Variants in MRPS16 observed in about 807,000 individuals in gnomAD.
MRPS16 encodes mitochondrial ribosomal protein S16, also known as small ribosomal subunit protein bS16m.
In MRPS16, 5 loss-of-function variants were observed where a neutral mutation model predicts 11.0. The observed-to-expected ratio is 0.46, with a 90% CI of 0.24 to 0.96. The LOEUF (loss-of-function observed/expected upper bound fraction) is 0.96. Among genes scored for constraint, MRPS16 ranks in the 40% least tolerant of loss-of-function variants. MRPS16 has a pLI of 0.20. For synonymous variants in MRPS16, 76 were observed against 65.0 expected, an observed-to-expected ratio of 1.17 and a Z score of -0.81; for missense variants, 179 against 174.4, an observed-to-expected ratio of 1.03 and a Z score of -0.15.
intron 1 of MRPS16, 86 bp from the exon 2 acceptor site, chr10:73,252,109 A>AAG: frequency 6.6e-7 from 1 of 1,525,904 alleles, no homozygotes; most frequent in South Asian, 1.2e-5. Context: ...TTTCCCACTG[A>AAG]AATGTCTCAC....
At chr10:73,252,125 A>G (rs1490943941) in intron 1 of MRPS16, 102 bp from the exon 2 acceptor site, 24 of 1,484,054 alleles carry the variant, frequency 1.6e-5, no homozygotes, top group Non-Finnish European at 2.0e-5. Context: ...CTCACTTCCA[A>G]TCCATTCCTG....
Position 73,252,624 on chromosome 10 carries a change from A to C in MRPS16, c.-142T>G. 1.6e-6 allele frequency: 2 copies of C among 1,221,720 alleles called. No homozygotes were observed. The highest frequency in any genetic ancestry group is 2.3e-6 in the Non-Finnish European group (2 of 869,458). The allele number at this position is 1,221,720 out of a possible 1,614,324, so 75.7% of individuals were successfully genotyped here. A position where few individuals can be genotyped will look rare whatever the true frequency, so the allele number is the denominator to read the frequency against. On this transcript the variant is annotated 5_prime_UTR_variant, in exon 1 of 3. Coordinates refer to ENST00000372945, the MANE Select transcript of MRPS16 (RefSeq NM_016065.4). Reference sequence around the variant, plus strand: ...ACCGCCAAGCGGTACAAGCCCGAAAACCTCGACTCCGGAAGCGGATGATCC... The same window carrying C: ...ACCGCCAAGCGGTACAAGCCCGAAACCCTCGACTCCGGAAGCGGATGATCC...
rs202242186 is a variant in MRPS16 at position 73,251,978 on chromosome 10, C to T, written c.59G>A (p.Arg20His). The change falls in exon 2 of 3, where the codon CGC (arginine) becomes CAC (histidine). Residue 20 changes from arginine to histidine, a missense_variant. Coordinates refer to ENST00000372945, the MANE Select transcript of MRPS16 (RefSeq NM_016065.4). ...KAYRGGHLTIRLALGGCTNRP... is the reference protein window; with the variant it reads ...KAYRGGHLTIHLALGGCTNRP... ...ATTGGTGCAGCCACCCAGGGCAAGG[C>T]GGATGGTTAAGTGGCCCCCACGGTA... is the stretch of plus-strand genomic sequence containing the variant. 123 of 1,614,146 alleles carry T rather than the reference C, an allele frequency of 7.6e-5. 1 individual carries two copies. In the East Asian group the frequency reaches 2.6e-3, roughly 34 times the overall value.
chr10:73,251,018 T>C (rs765021089), intron 2 of MRPS16, 27 bp from the exon 3 acceptor site: 65 of 1,612,592 alleles, frequency 4.0e-5, no homozygotes, highest in Non-Finnish European at 4.9e-5. Context: ...TTTCACTTAT[T>C]ATAACACAGT....
At position 73,249,357 on chromosome 10, in the gene MRPS16, A is replaced by T; in HGVS notation, c.*1495T>A. 1 of 1,517,150 alleles carries T rather than the reference A, an allele frequency of 6.6e-7. No homozygotes were observed. The highest frequency in any genetic ancestry group is 8.9e-7 in the Non-Finnish European group (1 of 1,119,116). 94.0% of individuals were successfully genotyped at this position (1,517,150 alleles called of 1,614,324 possible). Reference sequence around the variant, plus strand: ...TGAGTCAAATAAAAAAGTAGAACTAAAGTATACTGAAGTTATTCAAATACA... The same window carrying T: ...TGAGTCAAATAAAAAAGTAGAACTATAGTATACTGAAGTTATTCAAATACA... On this transcript the variant is annotated 3_prime_UTR_variant, in exon 3 of 3. Coordinates refer to ENST00000372945, the MANE Select transcript of MRPS16 (RefSeq NM_016065.4).
In MRPS16 at chr10:73,251,889, G is replaced by A. The variant is rs1232694096; in HGVS notation, c.148C>T (p.Gln50Ter). The A allele has an allele frequency of 6.2e-7, 1 of 1,614,208 alleles. No individual in the cohort carries two copies. The highest frequency in any genetic ancestry group is 1.7e-5 in the Admixed American group (1 of 60,026). Residue 50 changes from glutamine (Q) to a stop codon, truncating the protein, a stop_gained, in exon 2 of 3, where the codon CAG (glutamine) becomes TAG (stop). Transcript: ENST00000372945. LOFTEE classifies it high-confidence loss of function. ...GGCAATGGATCATAGGAGCCCAGCT[G>A]CTCTACGAAACGGCCATCCCTGGGA... ...KCPRDGRFVE[Q>*]LGSYDPLPNS...
At position 73,249,207 on chromosome 10, in the gene MRPS16, T is replaced by C. The variant is rs563025614; in HGVS notation, c.*1645A>G. On this transcript the variant is annotated 3_prime_UTR_variant, in exon 3 of 3. Transcript: ENST00000372945. The stretch of plus-strand genomic sequence containing the variant: ...TGCTGAGATTACAGGTGTGAGCCAC[T>C]GCCCCAATGGTATCTTTATATTATT... The C allele has an allele frequency of 9.3e-6, 13 of 1,391,752 alleles. No homozygotes were observed. The South Asian group carries it at 1.5e-4, about 16-fold the overall frequency. 86.2% of individuals were successfully genotyped at this position (1,391,752 alleles called of 1,614,324 possible).
rs770176974 is a variant in MRPS16, at chr10:73,249,346, AAGT to A, written c.*1503_*1505del. 4 of 1,543,488 alleles carry A rather than the reference AAGT, an allele frequency of 2.6e-6. No individual in the cohort carries two copies. The South Asian group carries it at 3.6e-5, about 14-fold the overall frequency. Reference sequence around the variant, plus strand: ...AAGAATGGTTGTGAGTCAAATAAAAAAGTAGAACTAAAGTATACTGAAGTTATT... The same window carrying A: ...AAGAATGGTTGTGAGTCAAATAAAAAAGAACTAAAGTATACTGAAGTTATT... On this transcript the variant is annotated 3_prime_UTR_variant, in exon 3 of 3. Coordinates refer to ENST00000372945, the MANE Select transcript of MRPS16 (RefSeq NM_016065.4).
In MRPS16 at chr10:73,250,721, G is replaced by T. The variant is rs1272973164; in HGVS notation, c.*131C>A. On this transcript the variant is annotated 3_prime_UTR_variant, in exon 3 of 3. Transcript: ENST00000372945. Reference sequence around the variant, plus strand: ...TCTCCCTGGGCCCTGTGCAGGCCAGGCCAGAAGAGCAAGGGCAACTCAGGA... The same window carrying T: ...TCTCCCTGGGCCCTGTGCAGGCCAGTCCAGAAGAGCAAGGGCAACTCAGGA... The T allele has an allele frequency of 8.1e-7, 1 of 1,241,174 alleles. No homozygotes were observed. The highest frequency in any genetic ancestry group is 1.2e-6 in the Non-Finnish European group (1 of 856,856). The allele number at this position is 1,241,174 out of a possible 1,614,324, so 76.9% of individuals were successfully genotyped here. A position where few individuals can be genotyped will look rare whatever the true frequency, so the allele number is the denominator to read the frequency against.
Position 73,250,442 on chromosome 10 carries a change from C to T in MRPS16, c.*410G>A, listed in dbSNP as rs928515017. 2 of 216,122 alleles carry T rather than the reference C, an allele frequency of 9.3e-6. No homozygotes were observed. The highest frequency in any genetic ancestry group is 1.1e-4 in the Admixed American group (2 of 18,676). 13.4% of individuals were successfully genotyped at this position (216,122 alleles called of 1,614,324 possible). The stretch of plus-strand genomic sequence containing the variant: ...GCAAGACAATATAAACCTCCAATTA[C>T]AAAAATCAATTAAGAAAGGTTAACT... On this transcript the variant is annotated 3_prime_UTR_variant, in exon 3 of 3. Transcript: ENST00000372945.
chr10:73,252,479 C>A lies in MRPS16; in HGVS notation c.4G>T (p.Val2Phe). The A allele has an allele frequency of 6.2e-7, 1 of 1,608,966 alleles. No homozygotes were observed. Among genetic ancestry groups the A allele is most frequent in the Non-Finnish European group, 8.5e-7 (1 of 1,179,824 alleles). The change falls in exon 1 of 3, where the codon GTC becomes TTC. Residue 2 changes from valine to phenylalanine, a missense_variant. Coordinates refer to ENST00000372945, the MANE Select transcript of MRPS16 (RefSeq NM_016065.4). ...TGGCCCGATGACTCACTGAGGTGGA[C>A]CATGGTGCCGCCGGCGTGCGGCTCC... M[V>F]HLTTLLCKAY...
intron 2 of MRPS16, among the ~76,000 whole-genome samples, chr10:73,251,379 T>C (rs1284292934): frequency 1.3e-5 from 2 of 149,504 alleles, no homozygotes; most frequent in East Asian, 3.9e-4. Context: ...AAATAACTCT[T>C]TTTTTTTTTT....
chr10:73,250,717 C>A lies in MRPS16; in HGVS notation c.*135G>T, dbSNP rs2044077990. ...AATCTCTCCCTGGGCCCTGTGCAGG[C>A]CAGGCCAGAAGAGCAAGGGCAACTC... On this transcript the variant is annotated 3_prime_UTR_variant, in exon 3 of 3. Coordinates refer to ENST00000372945, the MANE Select transcript of MRPS16 (RefSeq NM_016065.4). The A allele has an allele frequency of 2.5e-6, 3 of 1,202,174 alleles. No homozygotes were observed. The South Asian group carries it at 3.7e-5, about 15-fold the overall frequency. The allele number at this position is 1,202,174 out of a possible 1,614,324, so 74.5% of individuals were successfully genotyped here.
At position 73,250,515 on chromosome 10, in the gene MRPS16, T is replaced by C. The variant is rs1050130920; in HGVS notation, c.*337A>G. The C allele has an allele frequency of 4.3e-5, 16 of 369,736 alleles. No homozygotes were observed. The highest frequency in any genetic ancestry group is 2.9e-4 in the African/African-American group (14 of 48,054). The allele number at this position is 369,736 out of a possible 1,614,324, so 22.9% of individuals were successfully genotyped here. The stretch of plus-strand genomic sequence containing the variant: ...CATGAAGATCTGAATGGGCCATGAA[T>C]AGTCTGGCTGGGGGTTTTGAAGCAG... On this transcript the variant is annotated 3_prime_UTR_variant, in exon 3 of 3. Transcript: ENST00000372945.
chr10:73,252,293 A>G, intron 1 of MRPS16, 177 bp downstream of exon 1: 4 of 1,148,324 alleles, frequency 3.5e-6, no homozygotes, highest in South Asian at 2.7e-5. Flanking sequence ...ATGGGGTGGA[A>G]ATTTTTCAGC....
At position 73,249,044 on chromosome 10, in the gene MRPS16, G is replaced by A. The variant is rs974372633; in HGVS notation, c.*1808C>T. 12 of 594,460 alleles carry A rather than the reference G, an allele frequency of 2.0e-5. No homozygotes were observed. Among genetic ancestry groups the A allele is most frequent in the African/African-American group, 9.4e-5 (5 of 53,260 alleles). The allele number at this position is 594,460 out of a possible 1,614,324, so 36.8% of individuals were successfully genotyped here. ...AGTGATCTTACTGCCTCAGCTTCCC[G>A]AGTAGCTGGAACTATGGGTGAGCAA... On this transcript the variant is annotated 3_prime_UTR_variant, in exon 3 of 3. Coordinates refer to ENST00000372945, the MANE Select transcript of MRPS16 (RefSeq NM_016065.4).
rs1046863246 is a variant in MRPS16 at position 73,252,558 on chromosome 10, G to C, written c.-76C>G. On this transcript the variant is annotated 5_prime_UTR_variant, in exon 1 of 3. Transcript: ENST00000372945. ...AGCTCTACGGCCTTGGCAGGGCAGA[G>C]AACAAACACAGAAAGAACCTGCAAG... 1.9e-6 allele frequency: 3 copies of C among 1,580,118 alleles called. No homozygotes were observed. The African/African-American group carries it at 4.0e-5, about 21-fold the overall frequency.
chr10:73,251,107 T>C (rs2044085642), intron 2 of MRPS16, 116 bp from the exon 3 acceptor site: 5 of 1,235,840 alleles, frequency 4.0e-6, no homozygotes, highest in Non-Finnish European at 5.8e-6. Context: ...ATGCAAACCA[T>C]GCTCCTCACT....
intron 2 of MRPS16, among the ~76,000 whole-genome samples, chr10:73,251,457 C>T (rs1176448154): frequency 6.6e-6 from 1 of 152,036 alleles, no homozygotes; most frequent in African/African-American, 2.4e-5. Context: ...CTCACTGCAA[C>T]CTCCGCCTCC....
Sources: gnomAD v4.1 joint callset for allele counts (sites outside exome capture counted in the v4.1 genomes callset) on GRCh38, gnomAD v4.1.1 for gene constraint, MANE v1.5 for transcripts, NCBI Gene and HGNC (gene_info 2026-07-23, HGNC 2026-07-21) for gene names.